ATRNL1: variants seen among roughly 807,000 people sequenced by gnomAD.
The protein encoded by ATRNL1 is attractin-like protein 1.
Under a neutral mutation model 182.7 loss-of-function variants are expected in ATRNL1, and 95 were observed. The observed-to-expected ratio is 0.52, with a 90% confidence interval of 0.44 to 0.62. The LOEUF (loss-of-function observed/expected upper bound fraction) is 0.62. ATRNL1 is among the 20% of genes least tolerant of loss of function. The pLI, the probability that ATRNL1 is intolerant of heterozygous loss-of-function variation, is 0.00. For missense variants in ATRNL1, 1,471 were observed against 1,679.5 expected, an observed-to-expected ratio of 0.88 and a Z score of 2.17; for synonymous variants, 576 against 568.3, an observed-to-expected ratio of 1.01 and a Z score of -0.19.
At chr10:115,181,416 C>T (rs527344264) in intron 8 of ATRNL1, among the ~76,000 whole-genome samples, 1 of 151,608 alleles carries the variant, frequency 6.6e-6, no homozygotes. Flanking sequence ...TAACTATTTG[C>T]GAAGACTATT....
At chr10:115,799,143 C>A (rs895655436) in intron 27 of ATRNL1, among the ~76,000 whole-genome samples, 19 of 151,972 alleles carry the variant, frequency 1.3e-4, no homozygotes, top group African/African-American at 3.9e-4. Context: ...CGTCGGAGAT[C>A]CTGTCTTATT....
chr10:115,828,517 TAGAC>T (rs1233777758), intron 27 of ATRNL1, among the ~76,000 whole-genome samples: 3 of 152,276 alleles, frequency 2.0e-5, no homozygotes, highest in Non-Finnish European at 2.9e-5. Context: ...AAGGTTTAAA[TAGAC>T]AGGTAGCTAC....
chr10:115,657,005 T>C (rs1228704310), intron 26 of ATRNL1, among the ~76,000 whole-genome samples: 2 of 152,190 alleles, frequency 1.3e-5, no homozygotes, highest in South Asian at 2.1e-4. Flanking sequence ...ATTAGAAATA[T>C]ACCAGAGGAA....
intron 21 of ATRNL1, among the ~76,000 whole-genome samples, chr10:115,444,033 GA>G (rs1846836897): frequency 6.6e-6 from 1 of 151,984 alleles, no homozygotes; most frequent in Non-Finnish European, 1.5e-5. Context: ...ACAAAATTCA[GA>G]AAGAATATCA....
intron 5 of ATRNL1, among the ~76,000 whole-genome samples, chr10:115,152,356 G>A (rs1846279310): frequency 6.6e-6 from 1 of 152,310 alleles, no homozygotes; most frequent in East Asian, 1.9e-4. Context: ...AGCATGGAAT[G>A]TTCTTCCATT....
chr10:115,470,151 A>G (rs1410801942), intron 24 of ATRNL1, among the ~76,000 whole-genome samples: 2 of 150,366 alleles, frequency 1.3e-5, no homozygotes, highest in Non-Finnish European at 3.0e-5. Flanking sequence ...AAATGTTTGC[A>G]GGTTTTATTT....
intron 26 of ATRNL1, among the ~76,000 whole-genome samples, chr10:115,643,990 G>C (rs1859434872): frequency 6.6e-6 from 1 of 152,074 alleles, no homozygotes; most frequent in Non-Finnish European, 1.5e-5. Flanking sequence ...CAAGAACTTA[G>C]GTGCACACAA....
intron 26 of ATRNL1, among the ~76,000 whole-genome samples, chr10:115,680,179 T>G (rs1281856006): frequency 6.6e-6 from 1 of 152,176 alleles, no homozygotes; most frequent in South Asian, 2.1e-4. Context: ...GGCTTTGTTA[T>G]GCTGTGATGG....
At chr10:115,831,665 G>A (rs1324110321) in intron 27 of ATRNL1, among the ~76,000 whole-genome samples, 5 of 152,084 alleles carry the variant, frequency 3.3e-5, no homozygotes, top group African/African-American at 7.2e-5. Context: ...GTGTCCTCAA[G>A]CAAGTCTCTT....
At position 115,571,450 on chromosome 10, in the gene ATRNL1, A is replaced by G. The variant is rs549064923; in HGVS notation, c.3795+21914A>G. 3.9e-5 allele frequency among the ~76,000 whole-genome samples: 6 copies of G among 152,314 alleles called. 1 individual carries two copies. The East Asian group carries it at 1.2e-3, about 29-fold the overall frequency. ...CCCCATATTTTGAGATGCTGTTATTACTGCATGTTATATTCCCATATACTT... is the reference window on the plus strand; with the variant it reads ...CCCCATATTTTGAGATGCTGTTATTGCTGCATGTTATATTCCCATATACTT... On this transcript the variant is annotated intron_variant, in intron 26 of 28. Coordinates refer to ENST00000355044, the MANE Select transcript of ATRNL1 (RefSeq NM_207303.4).
chr10:115,721,584 T>G (rs1314844888), intron 26 of ATRNL1, among the ~76,000 whole-genome samples: 2 of 152,044 alleles, frequency 1.3e-5, no homozygotes, highest in African/African-American at 4.8e-5. Flanking sequence ...AAACCCCTGG[T>G]AAACCCATCA....
chr10:115,532,819 A>G (rs1851677793), intron 25 of ATRNL1, among the ~76,000 whole-genome samples: 1 of 152,088 alleles, frequency 6.6e-6, no homozygotes, highest in South Asian at 2.1e-4. Context: ...TAATTTATTG[A>G]GAGTTTTTAG....
chr10:115,480,287 T>C (rs1565087625), intron 24 of ATRNL1, among the ~76,000 whole-genome samples: 1 of 150,912 alleles, frequency 6.6e-6, no homozygotes. Context: ...TTTTAACTTA[T>C]ACATATGATT....
chr10:115,543,209 G>A (rs572762031), intron 25 of ATRNL1, among the ~76,000 whole-genome samples: 1 of 152,230 alleles, frequency 6.6e-6, no homozygotes, highest in Admixed American at 6.5e-5. Flanking sequence ...ACCCTCAGAA[G>A]TTTGACCAAT....
intron 26 of ATRNL1, among the ~76,000 whole-genome samples, chr10:115,683,191 C>A (rs535836275): frequency 1.8e-4 from 27 of 151,898 alleles, no homozygotes; most frequent in African/African-American, 6.5e-4. Flanking sequence ...TATTTGTCTG[C>A]CAACACATAT....
intron 25 of ATRNL1, among the ~76,000 whole-genome samples, chr10:115,547,181 G>T (rs1440498386): frequency 6.6e-6 from 1 of 151,408 alleles, no homozygotes; most frequent in East Asian, 1.9e-4. Context: ...CTGAAATCTG[G>T]AAGGCAGAGG....
At chr10:115,220,913 A>G (rs1395827795) in intron 9 of ATRNL1, among the ~76,000 whole-genome samples, 1 of 152,114 alleles carries the variant, frequency 6.6e-6, no homozygotes, top group Non-Finnish European at 1.5e-5. Flanking sequence ...TTTTGATATG[A>G]GTCTGCAAGC....
At chr10:115,857,821 T>TGTGA (rs1214804227) in intron 28 of ATRNL1, among the ~76,000 whole-genome samples, 3 of 152,104 alleles carry the variant, frequency 2.0e-5, no homozygotes, top group African/African-American at 7.2e-5. Context: ...ACATGACAAA[T>TGTGA]CAGGATTCAT....
chr10:115,758,121 G>A (rs111983993), intron 27 of ATRNL1, among the ~76,000 whole-genome samples: 3 of 151,640 alleles, frequency 2.0e-5, no homozygotes, highest in Non-Finnish European at 2.9e-5. Flanking sequence ...TCTTTAGCTC[G>A]AAGGAGTTTG....
Sources: gnomAD v4.1 joint callset for allele counts (sites outside exome capture counted in the v4.1 genomes callset) on GRCh38, gnomAD v4.1.1 for gene constraint, MANE v1.5 for transcripts, NCBI Gene and HGNC (gene_info 2026-07-23, HGNC 2026-07-21) for gene names.